KAZN: variants seen among roughly 807,000 people sequenced by gnomAD.
KAZN encodes the protein kazrin, periplakin interacting protein.
A neutral mutation model predicts 87.4 loss-of-function variants in KAZN; 40 were observed. The ratio of observed to expected loss-of-function variants is 0.46; its 90% CI spans 0.36 to 0.60. The LOEUF (loss-of-function observed/expected upper bound fraction) is 0.60. Ranked by LOEUF, KAZN falls within the 20% of genes least tolerant of loss-of-function variation. The pLI is 0.00. For missense variants in KAZN, 898 were observed against 1,073.9 expected (o/e 0.84, Z 2.29); for synonymous variants, 466 against 458.3 (o/e 1.02, Z -0.22).
At chr1:14,007,845 C>T (rs35797153) in intron 1 of KAZN, among the ~76,000 whole-genome samples, 6,527 of 152,166 alleles carry the variant, frequency 0.043, 183 homozygotes, top group Middle Eastern at 0.078. Context: ...TCTAAGTCGG[C>T]GGGAGCTAAA....
intron 1 of KAZN, among the ~76,000 whole-genome samples, chr1:13,949,648 A>G (rs1250984254): frequency 1.3e-5 from 2 of 152,114 alleles, no homozygotes; most frequent in African/African-American, 2.4e-5. Context: ...CACTCCTTGA[A>G]CTTCATCACA....
Position 15,015,996 on chromosome 1 carries a change from G to A in KAZN, c.419-18753G>A, listed in dbSNP as rs376778965. Among the ~76,000 whole-genome samples the A allele has an allele frequency of 3.1e-4, 47 of 152,262 alleles. No individual in the cohort carries two copies. In the East Asian group the frequency reaches 5.6e-3, roughly 18 times the overall value. ...GGTCCCTGGGTAGATACCTCCACCC[G>A]GAACCTGTGCACATGGCCTCATTTG... is the stretch of plus-strand genomic sequence containing the variant. On this transcript the variant is annotated intron_variant, in intron 2 of 14. Transcript: ENST00000376030.
At chr1:14,853,416 T>C (rs557346316) in intron 1 of KAZN, among the ~76,000 whole-genome samples, 1 of 152,200 alleles carries the variant, frequency 6.6e-6, no homozygotes, top group East Asian at 1.9e-4. Flanking sequence ...CTCTGTCTCA[T>C]GGAATCCTCA....
At chr1:14,275,671 C>T (rs1409710091) in intron 2 of KAZN, among the ~76,000 whole-genome samples, 1 of 152,170 alleles carries the variant, frequency 6.6e-6, no homozygotes, top group Non-Finnish European at 1.5e-5. Flanking sequence ...GGTGAATATA[C>T]CACAATTTAT....
intron 2 of KAZN, among the ~76,000 whole-genome samples, chr1:14,216,807 G>A (rs1364830324): frequency 6.6e-6 from 1 of 152,250 alleles, no homozygotes; most frequent in South Asian, 2.1e-4. Flanking sequence ...AGGAGGCTGA[G>A]GCTGGAGAAT....
intron 2 of KAZN, among the ~76,000 whole-genome samples, chr1:15,019,506 G>A (rs531646093): frequency 2.6e-5 from 4 of 152,190 alleles, no homozygotes; most frequent in East Asian, 3.9e-4. Flanking sequence ...CTTGTGCCTC[G>A]GCCTCCCTAG....
chr1:14,700,642 G>A (rs1641871058), intron 1 of KAZN, among the ~76,000 whole-genome samples: 1 of 152,032 alleles, frequency 6.6e-6, no homozygotes, highest in Non-Finnish European at 1.5e-5. Context: ...CCTTCTGCTT[G>A]AAAATGTCAG....
At chr1:14,154,319 A>G (rs1037207616) in intron 1 of KAZN, among the ~76,000 whole-genome samples, 2 of 152,236 alleles carry the variant, frequency 1.3e-5, no homozygotes, top group African/African-American at 4.8e-5. Flanking sequence ...GCATACAGAA[A>G]TGCTACTGAT....
At chr1:14,631,868 G>A (rs1265792162) in intron 1 of KAZN, among the ~76,000 whole-genome samples, 1 of 152,218 alleles carries the variant, frequency 6.6e-6, no homozygotes, top group Admixed American at 6.5e-5. Flanking sequence ...GAAAGAAAAA[G>A]CAGTGAGAGA....
intron 1 of KAZN, among the ~76,000 whole-genome samples, chr1:14,772,676 C>T (rs1645052750): frequency 6.6e-6 from 1 of 152,122 alleles, no homozygotes; most frequent in South Asian, 2.1e-4. Context: ...GCTCCCGATT[C>T]AGACAATATT....
intron 2 of KAZN, among the ~76,000 whole-genome samples, chr1:14,222,401 C>T (rs1647124017): frequency 6.6e-6 from 1 of 152,192 alleles, no homozygotes; most frequent in African/African-American, 2.4e-5. Context: ...CATTTAAATG[C>T]TGGCAATAAC....
At chr1:14,415,095 A>G (rs1267598711) in intron 2 of KAZN, among the ~76,000 whole-genome samples, 5 of 152,220 alleles carry the variant, frequency 3.3e-5, no homozygotes, top group African/African-American at 1.2e-4. Context: ...TGTATCTACA[A>G]AACTTTAATC....
intron 1 of KAZN, among the ~76,000 whole-genome samples, chr1:14,765,943 G>A (rs992667566): frequency 2.6e-5 from 4 of 152,314 alleles, no homozygotes; most frequent in African/African-American, 7.2e-5. Context: ...CGCCAGCACT[G>A]CCAGCCATTG....
chr1:14,575,959 G>T (rs115989341), intron 2 of KAZN, among the ~76,000 whole-genome samples: 2 of 152,192 alleles, frequency 1.3e-5, no homozygotes, highest in Non-Finnish European at 2.9e-5. Flanking sequence ...TGAACATTTT[G>T]TGGGGGTTGT....
chr1:14,484,619 A>AT (rs1669252531), intron 2 of KAZN, among the ~76,000 whole-genome samples: 1 of 152,224 alleles, frequency 6.6e-6, no homozygotes, highest in South Asian at 2.1e-4. Context: ...GACAGTAAAC[A>AT]TTTGTTTTTG....
At chr1:14,294,166 T>G (rs939673072) in intron 2 of KAZN, among the ~76,000 whole-genome samples, 3 of 152,184 alleles carry the variant, frequency 2.0e-5, no homozygotes, top group African/African-American at 7.2e-5. Context: ...CCGTGCATTC[T>G]GAGCCCAGGG....
chr1:14,196,936 G>A (rs1233835447), intron 2 of KAZN, among the ~76,000 whole-genome samples: 1 of 152,066 alleles, frequency 6.6e-6, no homozygotes, highest in Non-Finnish European at 1.5e-5. Flanking sequence ...GCTGAAGAAA[G>A]CATATTAAGA....
chr1:14,498,780 G>T lies in KAZN; in HGVS notation c.250-100203G>T, dbSNP rs1670088220. ...AGGAGTCTGGGTACTTATTCTCCTG[G>T]GTCCCTCCCTCCAAGCCATGGGTTG... On this transcript the variant is annotated intron_variant, in intron 2 of 16. Transcript: ENST00000636203. Among the ~76,000 whole-genome samples the T allele has an allele frequency of 2.6e-5, 4 of 152,056 alleles. No individual in the cohort carries two copies. The South Asian group carries it at 8.3e-4, about 32-fold the overall frequency.
chr1:14,463,972 G>A (rs948268328), intron 2 of KAZN, among the ~76,000 whole-genome samples: 2 of 152,190 alleles, frequency 1.3e-5, no homozygotes, highest in African/African-American at 4.8e-5. Flanking sequence ...GGGCCCTTAG[G>A]CCGTATCATT....
Sources: allele counts gnomAD v4.1 joint callset (sites outside exome capture counted in the v4.1 genomes callset), GRCh38; gene constraint gnomAD v4.1.1; transcripts MANE v1.5; gene names NCBI Gene and HGNC (gene_info 2026-07-23, HGNC 2026-07-21).